Variants in CLVS1 observed in about 807,000 individuals in gnomAD.
The protein encoded by CLVS1 is clavesin 1.
A neutral mutation model predicts 33.1 loss-of-function variants in CLVS1; 10 were observed. The ratio of observed to expected loss-of-function variants is 0.30; its 90% CI spans 0.19 to 0.51. The LOEUF (loss-of-function observed/expected upper bound fraction) is 0.51, where lower values mean the gene tolerates loss of function less well. Among genes scored for constraint, CLVS1 ranks in the 20% least tolerant of loss-of-function variants. CLVS1 has a pLI of 0.97. For synonymous variants in CLVS1, 163 were observed against 166.1 expected (o/e 0.98, Z 0.14); for missense variants, 343 against 433.4 (o/e 0.79, Z 1.85).
chr8:61,224,217 G>T (rs933158878), intron 2 of CLVS1, among the ~76,000 whole-genome samples: 2 of 152,098 alleles, frequency 1.3e-5, no homozygotes, highest in South Asian at 4.1e-4. Context: ...TTAATGGAGA[G>T]ATGTTGTGAT....
chr8:61,446,995 A>G (rs145869523), intron 3 of CLVS1, among the ~76,000 whole-genome samples: 5 of 152,170 alleles, frequency 3.3e-5, no homozygotes, highest in Admixed American at 3.3e-4. Flanking sequence ...GGTTTGTTTT[A>G]TGACTTAGGT....
At chr8:61,184,251 C>A (rs1207941991) in intron 2 of CLVS1, among the ~76,000 whole-genome samples, 2 of 152,094 alleles carry the variant, frequency 1.3e-5, no homozygotes, top group Admixed American at 6.5e-5. Flanking sequence ...GACACCCAAC[C>A]GAGGCATTGG....
intron 3 of CLVS1, among the ~76,000 whole-genome samples, chr8:61,448,623 C>A (rs905433968): frequency 1.3e-5 from 2 of 151,736 alleles, no homozygotes; most frequent in Admixed American, 1.3e-4. Flanking sequence ...TGCCTGTAAT[C>A]CCAGGAATTT....
intron 1 of CLVS1, among the ~76,000 whole-genome samples, chr8:61,290,665 C>T (rs922727732): frequency 1.3e-5 from 2 of 152,208 alleles, no homozygotes; most frequent in African/African-American, 4.8e-5. Flanking sequence ...ATAGCAGAGA[C>T]TTCCATCCTT....
the CLVS1 span, among the ~76,000 whole-genome samples, chr8:61,050,189 T>TC: frequency 6.6e-6 from 1 of 152,174 alleles, no homozygotes; most frequent in Non-Finnish European, 1.5e-5. Flanking sequence ...TGTTCATCCT[T>TC]CCTTTCCCTA....
intron 2 of CLVS1, among the ~76,000 whole-genome samples, chr8:61,276,988 T>C (rs1236877356): frequency 1.3e-5 from 2 of 152,204 alleles, no homozygotes; most frequent in Non-Finnish European, 2.9e-5. Context: ...TTAACACCTC[T>C]TGATGTTTAG....
the CLVS1 span, among the ~76,000 whole-genome samples, chr8:61,006,742 G>A: frequency 6.6e-6 from 1 of 152,156 alleles, no homozygotes; most frequent in African/African-American, 2.4e-5. Flanking sequence ...CAGGTTTGAA[G>A]CCTGAGCCTG....
Position 61,219,351 on chromosome 8 carries a change from G to A in CLVS1, c.-151-80326G>A, listed in dbSNP as rs562905409. On this transcript the variant is annotated intron_variant, in intron 2 of 2. Coordinates refer to the CLVS1 transcript ENST00000522621. Reference sequence around the variant, plus strand: ...ATGTGTTGTTCTCGTCTCTGTGTCCGTGAGTTCTCATTGTTCAACTCCCAC... The same window carrying A: ...ATGTGTTGTTCTCGTCTCTGTGTCCATGAGTTCTCATTGTTCAACTCCCAC... Among the ~76,000 whole-genome samples the A allele has an allele frequency of 2.6e-4, 40 of 152,070 alleles. No individual in the cohort carries two copies. In the South Asian group the frequency reaches 3.1e-3, roughly 12 times the overall value.
chr8:61,428,432 T>C (rs572115564), intron 3 of CLVS1, among the ~76,000 whole-genome samples: 1 of 152,276 alleles, frequency 6.6e-6, no homozygotes, highest in South Asian at 2.1e-4. Flanking sequence ...AATAATAAAA[T>C]AGTAACATGA....
intron 5 of CLVS1, among the ~76,000 whole-genome samples, chr8:61,491,093 G>T (rs1804061356): frequency 6.6e-6 from 1 of 152,190 alleles, no homozygotes; most frequent in South Asian, 2.1e-4. Context: ...TTTTCTAGAA[G>T]GAAGTTAAAG....
At chr8:61,018,498 G>T in the CLVS1 span, among the ~76,000 whole-genome samples, 2 of 152,224 alleles carry the variant, frequency 1.3e-5, no homozygotes, top group Admixed American at 1.3e-4. Context: ...AGGGAACAGT[G>T]TGTGCAAAGA....
At chr8:61,064,491 A>T (rs540490321) in intron 1 of CLVS1, among the ~76,000 whole-genome samples, 1 of 149,366 alleles carries the variant, frequency 6.7e-6, no homozygotes, top group Non-Finnish European at 1.5e-5. Context: ...CTTCTCAGCT[A>T]TCTGAGTATC....
the CLVS1 span, among the ~76,000 whole-genome samples, chr8:61,025,117 G>A: frequency 6.6e-6 from 1 of 152,128 alleles, no homozygotes; most frequent in Non-Finnish European, 1.5e-5. Context: ...CAAGTGCTGG[G>A]ATTACAGGCA....
At chr8:61,073,137 G>A (rs2129280681) in intron 1 of CLVS1, among the ~76,000 whole-genome samples, 1 of 152,200 alleles carries the variant, frequency 6.6e-6, no homozygotes, top group Non-Finnish European at 1.5e-5. Flanking sequence ...TAGTTCATTT[G>A]CTAATTAAAT....
intron 2 of CLVS1, among the ~76,000 whole-genome samples, chr8:61,363,393 A>G (rs972346268): frequency 6.6e-5 from 10 of 152,236 alleles, no homozygotes; most frequent in Admixed American, 3.3e-4. Flanking sequence ...GATGTTTTAC[A>G]GTATCTCCTG....
chr8:61,240,585 T>A (rs1808677582), intron 2 of CLVS1, among the ~76,000 whole-genome samples: 1 of 152,248 alleles, frequency 6.6e-6, no homozygotes, highest in Admixed American at 6.5e-5. Context: ...GTCTATTTTA[T>A]TCACAATTGT....
the CLVS1 span, among the ~76,000 whole-genome samples, chr8:60,970,236 C>T: frequency 2.0e-4 from 30 of 152,306 alleles, no homozygotes; most frequent in Admixed American, 7.2e-4. Context: ...TCTTGAGATG[C>T]GGATTCACAT....
At chr8:61,141,222 T>C (rs1051326810) in intron 2 of CLVS1, among the ~76,000 whole-genome samples, 5 of 152,174 alleles carry the variant, frequency 3.3e-5, no homozygotes, top group African/African-American at 1.2e-4. Flanking sequence ...CTGCTTCTCC[T>C]CCTCCTTTTT....
chr8:61,313,470 T>G (rs1478001104), intron 2 of CLVS1, among the ~76,000 whole-genome samples: 5 of 152,176 alleles, frequency 3.3e-5, no homozygotes, highest in African/African-American at 1.2e-4. Flanking sequence ...CAAGCTCATA[T>G]TCACACAAAG....
Sources: gnomAD v4.1 joint callset for allele counts (sites outside exome capture counted in the v4.1 genomes callset) on GRCh38, gnomAD v4.1.1 for gene constraint, MANE v1.5 for transcripts, NCBI Gene and HGNC (gene_info 2026-07-23, HGNC 2026-07-21) for gene names.